Variants in DGKG observed in about 807,000 individuals in gnomAD.
The protein encoded by DGKG is diacylglycerol kinase gamma.
DGKG carries 78 observed loss-of-function variants against 105.3 expected under a neutral mutation model. That is an observed-to-expected ratio of 0.74 (90% confidence interval 0.62 to 0.89). The LOEUF is 0.89. Among genes scored for constraint, DGKG ranks in the 40% least tolerant of loss-of-function variants. DGKG has a pLI of 0.00. For missense variants in DGKG, 958 were observed against 1,020.1 expected, an observed-to-expected ratio of 0.94 and a Z score of 0.83; for synonymous variants, 346 against 367.1, an observed-to-expected ratio of 0.94 and a Z score of 0.66.
intron 15 of DGKG, among the ~76,000 whole-genome samples, chr3:186,260,937 GC>G (rs1327666849): frequency 5.3e-5 from 8 of 152,270 alleles, no homozygotes; most frequent in Middle Eastern, 6.8e-3. Context: ...CCAGGGAGAG[GC>G]CCCCTGCAGT....
chr3:186,255,384 CAG>C (rs745663299), intron 17 of DGKG, among the ~76,000 whole-genome samples: 8 of 152,200 alleles, frequency 5.3e-5, no homozygotes, highest in Non-Finnish European at 7.3e-5. Flanking sequence ...GGAAAACAAA[CAG>C]AGGAGCACTG....
At position 186,150,306 on chromosome 3, in the gene DGKG, G is replaced by C. The variant is rs559476211; in HGVS notation, c.2278-118C>G. ...GGATGGAAGGAGCCCCATGCAGAAG[G>C]ACAACTGTCCTTGAACGGCTTCAAA... On this transcript the variant is annotated intron_variant, in intron 24 of 24. Transcript: ENST00000265022. 1.9e-4 allele frequency: 248 copies of C among 1,321,242 alleles called. 1 individual carries two copies. The African/African-American group carries it at 2.1e-3, about 11-fold the overall frequency. 81.8% of individuals were successfully genotyped at this position (1,321,242 alleles called of 1,614,324 possible).
At chr3:186,176,920 G>A (rs1717110225) in intron 22 of DGKG, among the ~76,000 whole-genome samples, 1 of 152,202 alleles carries the variant, frequency 6.6e-6, no homozygotes, top group Non-Finnish European at 1.5e-5. Context: ...GAGAGGTTTG[G>A]GCGTGGAGGC....
chr3:186,202,077 G>A (rs970380674), intron 21 of DGKG, among the ~76,000 whole-genome samples: 1 of 152,200 alleles, frequency 6.6e-6, no homozygotes, highest in Non-Finnish European at 1.5e-5. Flanking sequence ...CTTGTTTTAT[G>A]AGATGCAGTT....
Position 186,361,342 on chromosome 3 carries a change from A to G in DGKG, c.-249+604T>C, listed in dbSNP as rs1357016650. ...TCCGGGTACGCACTCCTCAGGACAC[A>G]AGCACACACACGGACACATCTTGTG... is the stretch of plus-strand genomic sequence containing the variant. On this transcript the variant is annotated intron_variant, in intron 1 of 24. Coordinates refer to ENST00000265022, the MANE Select transcript of DGKG (RefSeq NM_001346.3). This position sits in a 1 kb window ranked among gnomAD's most constrained non-coding sequence, Gnocchi z 6.8. Among the ~76,000 whole-genome samples the G allele has an allele frequency of 6.6e-6, 1 of 152,168 alleles. No individual in the cohort carries two copies. Among genetic ancestry groups the G allele is most frequent in the Non-Finnish European group, 1.5e-5 (1 of 68,014 alleles).
At chr3:186,317,486 TC>T (rs1294795779) in intron 2 of DGKG, among the ~76,000 whole-genome samples, 1 of 152,106 alleles carries the variant, frequency 6.6e-6, no homozygotes, top group Non-Finnish European at 1.5e-5. Context: ...GGTCCTACTT[TC>T]CTTTCTAGTT....
chr3:186,174,050 CT>C (rs1465645953), intron 22 of DGKG, among the ~76,000 whole-genome samples: 8 of 152,250 alleles, frequency 5.3e-5, no homozygotes, highest in African/African-American at 1.9e-4. Flanking sequence ...GAATGTACCC[CT>C]GTGACAGGTT....
intron 20 of DGKG, among the ~76,000 whole-genome samples, chr3:186,225,620 G>A (rs1399451195): frequency 6.6e-6 from 1 of 151,990 alleles, no homozygotes; most frequent in Non-Finnish European, 1.5e-5. Context: ...TTCCAACCTG[G>A]CAATGATCGA....
rs186352830 is a variant in DGKG, at chr3:186,301,889, G to A, written c.145-3660C>T. Among the ~76,000 whole-genome samples, 21 of 152,226 alleles carry A rather than the reference G, an allele frequency of 1.4e-4. No homozygotes were observed. The East Asian group carries it at 4.1e-3, about 29-fold the overall frequency. ...TAGATTTGTAGTTACTTCAAGCTCT[G>A]AGATGATTCTCATATTCTCTCCTAT... On this transcript the variant is annotated intron_variant, in intron 3 of 24. Transcript: ENST00000265022.
intron 22 of DGKG, among the ~76,000 whole-genome samples, chr3:186,183,596 G>A (rs1420964729): frequency 6.6e-6 from 1 of 152,136 alleles, no homozygotes; most frequent in Non-Finnish European, 1.5e-5. Context: ...GAAAGGTCTA[G>A]GAAAGGAGAT....
intron 17 of DGKG, 38 bp downstream of exon 17, chr3:186,257,816 A>G: frequency 2.0e-6 from 3 of 1,482,400 alleles, no homozygotes; most frequent in Non-Finnish European, 2.8e-6. Flanking sequence ...TACGCTTACT[A>G]TAAATAAGCA....
chr3:186,332,024 A>G (rs1339882260), intron 1 of DGKG, among the ~76,000 whole-genome samples: 1 of 152,036 alleles, frequency 6.6e-6, no homozygotes, highest in Admixed American at 6.6e-5. Flanking sequence ...TTCAAAGCTC[A>G]TGGTAACATC....
chr3:186,266,618 GAC>G (rs1337023702), intron 13 of DGKG, among the ~76,000 whole-genome samples: 1 of 151,974 alleles, frequency 6.6e-6, no homozygotes, highest in Non-Finnish European at 1.5e-5. Flanking sequence ...TTATTTTTGA[GAC>G]AGAGTCTCAC....
At chr3:186,169,948 T>C (rs1256547820) in intron 22 of DGKG, among the ~76,000 whole-genome samples, 1 of 151,460 alleles carries the variant, frequency 6.6e-6, no homozygotes, top group East Asian at 1.9e-4. Flanking sequence ...ACTTAAGGAG[T>C]TCTAGAAAAA....
At chr3:186,336,742 A>C (rs967201224) in intron 1 of DGKG, among the ~76,000 whole-genome samples, 5 of 152,138 alleles carry the variant, frequency 3.3e-5, no homozygotes, top group Non-Finnish European at 1.5e-5. Flanking sequence ...ACAGAGAGAG[A>C]GAGAAGGGGA....
intron 1 of DGKG, among the ~76,000 whole-genome samples, chr3:186,345,125 C>T (rs935032029): frequency 6.6e-6 from 1 of 152,094 alleles, no homozygotes; most frequent in African/African-American, 2.4e-5. Flanking sequence ...GAATTTGATT[C>T]TTCACTTATA....
intron 1 of DGKG, among the ~76,000 whole-genome samples, chr3:186,360,996 G>C (rs2108683622): frequency 6.6e-6 from 1 of 152,350 alleles, no homozygotes; most frequent in African/African-American, 2.4e-5. Context: ...GCGCTCCCGG[G>C]CACCACTGCG....
chr3:186,354,138 G>A (rs1357580617), intron 1 of DGKG, among the ~76,000 whole-genome samples: 4 of 152,100 alleles, frequency 2.6e-5, no homozygotes, highest in Non-Finnish European at 2.9e-5. Flanking sequence ...ATTTTGTGTG[G>A]CTTCCAAGGA....
intron 2 of DGKG, among the ~76,000 whole-genome samples, chr3:186,318,427 C>T (rs1392510515): frequency 6.6e-6 from 1 of 152,212 alleles, no homozygotes; most frequent in Non-Finnish European, 1.5e-5. Context: ...CCTCTTTCCT[C>T]CATGGAGTTT....
Sources: gnomAD v4.1 joint callset for allele counts (sites outside exome capture counted in the v4.1 genomes callset) on GRCh38, gnomAD v4.1.1 for gene constraint, Gnocchi (gnomAD v3.1) non-coding constraint, MANE v1.5 for transcripts, NCBI Gene and HGNC (gene_info 2026-07-23, HGNC 2026-07-21) for gene names.